The following DARS2 variants were observed in gnomAD, a reference collection of about 807,000 sequenced individuals.
DARS2 encodes the protein aspartyl-tRNA synthetase 2, mitochondrial.
DARS2 carries 63 observed loss-of-function variants against 83.0 expected under a neutral mutation model. The observed-to-expected ratio is 0.76, with a 90% confidence interval of 0.62 to 0.94. The LOEUF (loss-of-function observed/expected upper bound fraction) is 0.94. DARS2 is among the 40% of genes least tolerant of loss of function. The pLI, the probability that DARS2 is intolerant of heterozygous loss-of-function variation, is 0.00. For synonymous variants in DARS2, 250 were observed against 269.3 expected, an observed-to-expected ratio of 0.93 and a Z score of 0.70; for missense variants, 675 against 774.4, an observed-to-expected ratio of 0.87 and a Z score of 1.52.
At chr1:173,849,475 T>C (rs960294908) in intron 12 of DARS2, among the ~76,000 whole-genome samples, 1 of 144,484 alleles carries the variant, frequency 6.9e-6, no homozygotes, top group African/African-American at 2.6e-5. Flanking sequence ...CAGACTGCAG[T>C]GAGCCAAGAT....
chr1:173,857,534 A>G lies in DARS2; in HGVS notation c.1767A>G (p.Ile589Met). Residue 589 changes from isoleucine (I) to methionine (M), a missense_variant, in exon 17 of 17, where the codon ATA (isoleucine) becomes ATG (methionine). Transcript: ENST00000649689. ...GGIALGLDRL[I>M]CLVTGSPSIR... is the part of the protein sequence containing the mutation. ...TACTCACAGGGTTAGACAGACTGAT[A>G]TGCCTTGTCACTGGATCTCCAAGCA... The G allele has an allele frequency of 6.2e-7, 1 of 1,614,158 alleles. No individual in the cohort carries two copies. The highest frequency in any genetic ancestry group is 8.5e-7 in the Non-Finnish European group (1 of 1,179,968).
intron 15 of DARS2, 93 bp from the exon 16 acceptor site, chr1:173,856,573 C>A: frequency 8.7e-7 from 1 of 1,151,142 alleles, no homozygotes; most frequent in Non-Finnish European, 1.3e-6. Context: ...TTTTAAAACT[C>A]AACTTTGTTT....
At position 173,839,633 on chromosome 1, in the gene DARS2, C is replaced by G. The variant is rs546712429; in HGVS notation, c.1020+87C>G. On this transcript the variant is annotated intron_variant, in intron 10 of 16. Transcript: ENST00000649689. ...CTTTGAAATTGACAAGTGTTACACA[C>G]TGTTAGATGATATTTTTGTTGTTAC... The G allele has an allele frequency of 3.5e-5, 44 of 1,264,038 alleles. No homozygotes were observed. In the African/African-American group the frequency reaches 5.7e-4, roughly 16 times the overall value. The allele number at this position is 1,264,038 out of a possible 1,614,324, so 78.3% of individuals were successfully genotyped here.
Position 173,853,837 on chromosome 1 carries a change from A to T in DARS2, c.1606A>T (p.Ile536Leu). The T allele has an allele frequency of 6.2e-7, 1 of 1,614,198 alleles. No homozygotes were observed. The highest frequency in any genetic ancestry group is 8.5e-7 in the Non-Finnish European group (1 of 1,180,026). ...TGACTTGGTTTTAAATGGCAATGAA[A>T]TAGGAGGTGGTTCAATTCGAATTCA... ...HYDLVLNGNE[I>L]GGGSIRIHNA... is the part of the protein sequence containing the mutation. Residue 536 changes from isoleucine (I) to leucine (L), a missense_variant, in exon 15 of 17, where the codon ATA becomes TTA. By Grantham distance (5) the Ile-to-Leu change is conservative. Coordinates refer to ENST00000649689, the MANE Select transcript of DARS2 (RefSeq NM_018122.5).
chr1:173,829,924 T>C (rs575846892), intron 3 of DARS2, among the ~76,000 whole-genome samples: 1 of 151,486 alleles, frequency 6.6e-6, no homozygotes, highest in South Asian at 2.1e-4. Context: ...ATAATAATAA[T>C]ACAAAAAATT....
chr1:173,842,376 G>T lies in DARS2; in HGVS notation c.1128+1403G>T, dbSNP rs1321491614. 1.6e-5 allele frequency among the ~76,000 whole-genome samples: 2 copies of T among 127,376 alleles called. 1 individual carries two copies. The highest frequency in any genetic ancestry group is 3.1e-5 in the Non-Finnish European group (2 of 64,434). 83.6% of individuals were successfully genotyped at this position (127,376 alleles called of 152,430 possible). On this transcript the variant is annotated intron_variant, in intron 11 of 16. Transcript: ENST00000649689. ...TGCAGTGGCGCGATCTTGGCTTACTGCAACCTCCGCCTCCCAGGTTCGAGC... is the reference window on the plus strand; with the variant it reads ...TGCAGTGGCGCGATCTTGGCTTACTTCAACCTCCGCCTCCCAGGTTCGAGC...
intron 8 of DARS2, 78 bp downstream of exon 8, chr1:173,837,124 C>T: frequency 7.8e-7 from 1 of 1,289,808 alleles, no homozygotes. Flanking sequence ...ACAAAATCCT[C>T]TCTGTTCTCA....
chr1:173,838,328 A>C (rs1653083277), intron 9 of DARS2, 69 bp downstream of exon 9: 1 of 1,173,000 alleles, frequency 8.5e-7, no homozygotes, highest in Non-Finnish European at 1.3e-6. Context: ...TTTCAAGACC[A>C]GTGCAGTATT....
intron 15 of DARS2, among the ~76,000 whole-genome samples, chr1:173,854,330 C>G (rs980312574): frequency 1.3e-5 from 2 of 151,966 alleles, no homozygotes; most frequent in Non-Finnish European, 2.9e-5. Context: ...TCACAAGATA[C>G]AAAATAGCAT....
At chr1:173,855,816 C>CA (rs1445649364) in intron 15 of DARS2, among the ~76,000 whole-genome samples, 3 of 134,862 alleles carry the variant, frequency 2.2e-5, no homozygotes, top group African/African-American at 3.5e-5. Flanking sequence ...TCACGCCCAG[C>CA]ATTTTTTTTT....
chr1:173,831,390 T>G, intron 4 of DARS2, 145 bp from the exon 5 acceptor site: 1 of 747,754 alleles, frequency 1.3e-6, no homozygotes, highest in East Asian at 2.5e-5. Context: ...GTCAAAATCA[T>G]GCACAGACAT....
In DARS2 at chr1:173,825,052, A is replaced by G. The variant is rs1160025589; in HGVS notation, c.-178A>G. On this transcript the variant is annotated 5_prime_UTR_variant, in exon 1 of 17. Transcript: ENST00000649689. The stretch of plus-strand genomic sequence containing the variant: ...AGCAAGCACCCCAGAGACCTTGGAG[A>G]TTTGTCTTGTTTCTAGACACGTGTA... 1 of 830,738 alleles carries G rather than the reference A, an allele frequency of 1.2e-6. No homozygotes were observed. Among genetic ancestry groups the G allele is most frequent in the African/African-American group, 1.7e-5 (1 of 58,200 alleles). The allele number at this position is 830,738 out of a possible 1,614,324, so 51.5% of individuals were successfully genotyped here. A position where few individuals can be genotyped will look rare whatever the true frequency, so the allele number is the denominator to read the frequency against.
intron 12 of DARS2, among the ~76,000 whole-genome samples, chr1:173,846,645 A>C (rs1160551218): frequency 6.6e-6 from 1 of 150,956 alleles, no homozygotes; most frequent in East Asian, 2.0e-4. Flanking sequence ...ACAGAAAAAA[A>C]ATTAGCTGGG....
rs773275747 is a variant in DARS2, at chr1:173,853,573, G to A, written c.1563+6G>A. The A allele has an allele frequency of 3.2e-5, 52 of 1,613,542 alleles. No individual in the cohort carries two copies. The highest frequency in any genetic ancestry group is 5.5e-5 in the South Asian group (5 of 91,068). The stretch of plus-strand genomic sequence containing the variant: ...TGTACACTGAGCCCAAAAAGGTACC[G>A]TATCTATACTTCCAAATCAAAAGGA... On this transcript the variant is annotated splice_donor_region_variant and intron_variant, in intron 14 of 16. Coordinates refer to ENST00000649689, the MANE Select transcript of DARS2 (RefSeq NM_018122.5).
intron 5 of DARS2, among the ~76,000 whole-genome samples, chr1:173,831,925 ATTGT>A (rs1652809940): frequency 6.6e-6 from 1 of 152,138 alleles, no homozygotes; most frequent in Non-Finnish European, 1.5e-5. Flanking sequence ...TTTCGTTGCT[ATTGT>A]TTAACATTTG....
At chr1:173,826,665 C>CTTTTT in intron 1 of DARS2, 22 bp from the exon 2 acceptor site, 10 of 1,260,662 alleles carry the variant, frequency 7.9e-6, no homozygotes, top group South Asian at 4.1e-5. Context: ...TTTAAAGTTT[C>CTTTTT]TTTTTTTTTT....
At chr1:173,846,377 C>A (rs1211930576) in intron 12 of DARS2, among the ~76,000 whole-genome samples, 1 of 151,904 alleles carries the variant, frequency 6.6e-6, no homozygotes, top group Non-Finnish European at 1.5e-5. Flanking sequence ...GTCTGTAGTC[C>A]CAGCTGCTTG....
chr1:173,847,844 C>CTTTT (rs1160841148), intron 12 of DARS2, among the ~76,000 whole-genome samples: 72 of 78,648 alleles, frequency 9.2e-4, no homozygotes, highest in Middle Eastern at 0.011. Context: ...CTTTCTGAAC[C>CTTTT]TTTTTTTTTT....
chr1:173,826,789 A>G lies in DARS2; in HGVS notation c.227+3A>G, dbSNP rs755695407. 2 of 1,604,968 alleles carry G rather than the reference A, an allele frequency of 1.2e-6. No individual in the cohort carries two copies. Among genetic ancestry groups the G allele is most frequent in the South Asian group, 1.1e-5 (1 of 90,906 alleles). On this transcript the variant is annotated splice_donor_region_variant and intron_variant, in intron 2 of 16. Coordinates refer to ENST00000649689, the MANE Select transcript of DARS2 (RefSeq NM_018122.5). ...TGTGGATGGATTCAGTACCGAAGGT[A>G]AATTGAGAAAGACAGTCTAAGAATG... is the stretch of plus-strand genomic sequence containing the variant.
Sources: gnomAD v4.1 joint callset for allele counts (sites outside exome capture counted in the v4.1 genomes callset) on GRCh38, gnomAD v4.1.1 for gene constraint, MANE v1.5 for transcripts, NCBI Gene and HGNC (gene_info 2026-07-23, HGNC 2026-07-21) for gene names.